Variants in GFOD2 observed in about 807,000 individuals in gnomAD.
GFOD2 encodes the protein Gfo/Idh/MocA-like oxidoreductase domain containing 2, also known as glucose-fructose oxidoreductase domain-containing protein 2.
Under a neutral mutation model 24.6 loss-of-function variants are expected in GFOD2, and 9 were observed. The observed-to-expected ratio is 0.37, with a 90% CI of 0.22 to 0.64. The LOEUF is 0.64. Among genes scored for constraint, GFOD2 ranks in the 30% least tolerant of loss-of-function variants. GFOD2 has a pLI of 0.65. For missense variants in GFOD2, 476 were observed against 532.5 expected (o/e 0.89, Z 1.04); for synonymous variants, 211 against 224.8 (o/e 0.94, Z 0.55).
intron 1 of GFOD2, among the ~76,000 whole-genome samples, chr16:67,697,593 G>C (rs1357834163): frequency 6.6e-6 from 1 of 152,164 alleles, no homozygotes; most frequent in African/African-American, 2.4e-5. Flanking sequence ...GCTACAACCA[G>C]CATGAAACCT....
At position 67,693,003 on chromosome 16, in the gene GFOD2, C is replaced by T. The variant is rs926409481; in HGVS notation, c.-87-7201G>A. On this transcript the variant is annotated intron_variant, in intron 1 of 2. Coordinates refer to ENST00000268797, the MANE Select transcript of GFOD2 (RefSeq NM_030819.4). Reference sequence around the variant, plus strand: ...CGAGATTGCGCCACTGCACTCCAGCCTGGGCGACAGATTGAGACTCTGTCT... The same window carrying T: ...CGAGATTGCGCCACTGCACTCCAGCTTGGGCGACAGATTGAGACTCTGTCT... 2.0e-5 allele frequency among the ~76,000 whole-genome samples: 3 copies of T among 151,650 alleles called. No homozygotes were observed. The South Asian group carries it at 6.2e-4, about 32-fold the overall frequency.
intron 1 of GFOD2, among the ~76,000 whole-genome samples, chr16:67,705,645 G>A (rs1475638641): frequency 6.6e-6 from 1 of 152,094 alleles, no homozygotes; most frequent in Non-Finnish European, 1.5e-5. Context: ...TTTAAAAAAT[G>A]TACCTGTAAT....
At chr16:67,705,618 G>C (rs1412146853) in intron 1 of GFOD2, among the ~76,000 whole-genome samples, 1 of 152,142 alleles carries the variant, frequency 6.6e-6, no homozygotes, top group Non-Finnish European at 1.5e-5. Flanking sequence ...TGGAGCCTGG[G>C]TGGTTCCATC....
chr16:67,717,780 G>T (rs950674098), intron 1 of GFOD2, among the ~76,000 whole-genome samples: 1 of 135,528 alleles, frequency 7.4e-6, no homozygotes, highest in Non-Finnish European at 1.5e-5. Flanking sequence ...GACAGAGTGA[G>T]ACTCCGTCTC....
intron 1 of GFOD2, among the ~76,000 whole-genome samples, chr16:67,700,301 G>A (rs1251764683): frequency 6.6e-6 from 1 of 151,508 alleles, no homozygotes; most frequent in Non-Finnish European, 1.5e-5. Flanking sequence ...CTTGAACCCG[G>A]GAAGCAGAGG....
rs1415979650 is a variant in GFOD2, at chr16:67,674,719, A to T, written c.*436T>A. The T allele has an allele frequency of 1.9e-5, 3 of 160,768 alleles. 1 individual carries two copies. In the East Asian group the frequency reaches 5.5e-4, roughly 29 times the overall value. The allele number at this position is 160,768 out of a possible 1,614,324, so 10.0% of individuals were successfully genotyped here. ...GAGGGCAGGTGAGGGTCCCTGAGGGACAGCTTGTTGCCCTCACTGTTCCTG... is the reference window on the plus strand; with the variant it reads ...GAGGGCAGGTGAGGGTCCCTGAGGGTCAGCTTGTTGCCCTCACTGTTCCTG... On this transcript the variant is annotated 3_prime_UTR_variant, in exon 3 of 3. Transcript: ENST00000268797.
intron 1 of GFOD2, among the ~76,000 whole-genome samples, chr16:67,717,510 G>C (rs970491229): frequency 5.9e-5 from 9 of 152,174 alleles, no homozygotes; most frequent in Non-Finnish European, 1.0e-4. Context: ...AATAATGAGG[G>C]CTGGGTGTGG....
At chr16:67,709,061 G>A (rs1338418171) in intron 1 of GFOD2, among the ~76,000 whole-genome samples, 1 of 152,094 alleles carries the variant, frequency 6.6e-6, no homozygotes, top group Non-Finnish European at 1.5e-5. Context: ...CCAGGACTTT[G>A]GGAGGCCGAG....
chr16:67,707,031 C>T (rs1254308315), intron 1 of GFOD2, among the ~76,000 whole-genome samples: 2 of 150,474 alleles, frequency 1.3e-5, no homozygotes, highest in African/African-American at 2.5e-5. Flanking sequence ...TGCACTCCAG[C>T]CTGGGCAACA....
intron 1 of GFOD2, among the ~76,000 whole-genome samples, chr16:67,710,210 C>T (rs1374622996): frequency 1.3e-5 from 2 of 151,998 alleles, no homozygotes; most frequent in Non-Finnish European, 2.9e-5. Flanking sequence ...ACTGTAGCCT[C>T]GAACTCCTGG....
chr16:67,713,057 T>A (rs937971175), intron 1 of GFOD2, among the ~76,000 whole-genome samples: 1 of 146,908 alleles, frequency 6.8e-6, no homozygotes, highest in Non-Finnish European at 1.5e-5. Context: ...TAATTTTTTT[T>A]ATTTTTTATA....
intron 1 of GFOD2, among the ~76,000 whole-genome samples, chr16:67,694,987 CTTTTTTTTTTTTT>C (rs542893576): frequency 8.2e-6 from 1 of 121,586 alleles, no homozygotes; most frequent in African/African-American, 3.1e-5. Flanking sequence ...CCATCTCTCT[CTTTTTTTTTTTTT>C]TTTTTTTTTT....
chr16:67,709,516 G>C (rs1019407591), intron 1 of GFOD2, among the ~76,000 whole-genome samples: 16 of 151,940 alleles, frequency 1.1e-4, no homozygotes, highest in Non-Finnish European at 2.9e-5. Context: ...TAGGAGGAGA[G>C]ATAAGATAAT....
chr16:67,700,173 C>T (rs192323725), intron 1 of GFOD2, among the ~76,000 whole-genome samples: 5 of 151,200 alleles, frequency 3.3e-5, no homozygotes, highest in East Asian at 2.0e-4. Flanking sequence ...CAGGAGTTTG[C>T]GACCAGCCTG....
At chr16:67,683,531 T>C (rs1038832638) in intron 2 of GFOD2, 1 of 1,231,740 alleles carries the variant, frequency 8.1e-7, no homozygotes, top group Non-Finnish European at 1.0e-6. Context: ...TCCCAAGCAT[T>C]TGGTGACCAA....
chr16:67,715,245 A>G (rs765759832), intron 1 of GFOD2, among the ~76,000 whole-genome samples: 1 of 152,194 alleles, frequency 6.6e-6, no homozygotes, highest in East Asian at 1.9e-4. Flanking sequence ...TTTTTAGTAC[A>G]GACGGGGTTT....
In GFOD2 at chr16:67,685,768, T is replaced by C. The variant is rs1306136272; in HGVS notation, c.-53A>G. ...TCCTCACAAGAGCCTCTGGCATGGA[T>C]ATGATCTTCCAAACGTCCTGGTCAG... On this transcript the variant is annotated 5_prime_UTR_variant, in exon 2 of 3. It adds an upstream start codon to the 5' untranslated region. Coordinates refer to ENST00000268797, the MANE Select transcript of GFOD2 (RefSeq NM_030819.4). 1 of 1,567,278 alleles carries C rather than the reference T, an allele frequency of 6.4e-7. No homozygotes were observed. The highest frequency in any genetic ancestry group is 8.6e-7 in the Non-Finnish European group (1 of 1,159,038).
At chr16:67,704,159 C>T (rs139634178) in intron 1 of GFOD2, among the ~76,000 whole-genome samples, 2 of 152,150 alleles carry the variant, frequency 1.3e-5, no homozygotes, top group African/African-American at 4.8e-5. Flanking sequence ...CTTGGGAGTA[C>T]AAATTATAGT....
intron 1 of GFOD2, among the ~76,000 whole-genome samples, chr16:67,718,834 T>C (rs2053524732): frequency 6.6e-6 from 1 of 152,208 alleles, no homozygotes; most frequent in South Asian, 2.1e-4. Context: ...CACAGTCAGG[T>C]GGTCCGCTCG....
Sources: allele counts gnomAD v4.1 joint callset (sites outside exome capture counted in the v4.1 genomes callset), GRCh38; gene constraint gnomAD v4.1.1; transcripts MANE v1.5; gene names NCBI Gene and HGNC (gene_info 2026-07-23, HGNC 2026-07-21).